ZRANB3: variants seen among roughly 807,000 people sequenced by gnomAD.
ZRANB3 encodes zinc finger RANBP2-type containing 3.
A neutral mutation model predicts 133.8 loss-of-function variants in ZRANB3; 125 were observed. The observed-to-expected ratio is 0.93, with a 90% CI of 0.81 to 1.08. The LOEUF (loss-of-function observed/expected upper bound fraction) is 1.08, where lower values mean the gene tolerates loss of function less well. Ranked by LOEUF, ZRANB3 falls within the 50% of genes least tolerant of loss-of-function variation. The pLI, the probability that ZRANB3 is intolerant of heterozygous loss-of-function variation, is 0.00. For synonymous variants in ZRANB3, 387 were observed against 432.7 expected (o/e 0.89, Z 1.31); for missense variants, 1,229 against 1,275.5 (o/e 0.96, Z 0.56).
intron 3 of ZRANB3, among the ~76,000 whole-genome samples, chr2:135,367,538 G>C (rs912631974): frequency 3.3e-5 from 5 of 151,914 alleles, no homozygotes; most frequent in Admixed American, 3.3e-4. Flanking sequence ...ACAAGAGAGA[G>C]AAAACCAAAA....
At chr2:135,512,576 A>C (rs906739641) in intron 1 of ZRANB3, among the ~76,000 whole-genome samples, 20 of 151,934 alleles carry the variant, frequency 1.3e-4, no homozygotes, top group African/African-American at 4.8e-4. Context: ...ATAAATTTAC[A>C]TGTTGCTTTT....
At chr2:135,509,475 C>A (rs1248904928) in intron 1 of ZRANB3, among the ~76,000 whole-genome samples, 1 of 152,052 alleles carries the variant, frequency 6.6e-6, no homozygotes, top group Non-Finnish European at 1.5e-5. Flanking sequence ...TAAAACAAAT[C>A]TAGATATTAA....
intron 8 of ZRANB3, among the ~76,000 whole-genome samples, chr2:135,295,819 T>C (rs1194267941): frequency 6.6e-6 from 1 of 152,232 alleles, no homozygotes; most frequent in Non-Finnish European, 1.5e-5. Context: ...AAGGATTTTA[T>C]TTCTCCTTCA....
intron 2 of ZRANB3, among the ~76,000 whole-genome samples, chr2:135,409,124 G>T (rs1291592039): frequency 6.6e-6 from 1 of 152,122 alleles, no homozygotes; most frequent in Admixed American, 6.6e-5. Flanking sequence ...AGTGGGAGGT[G>T]AAGGAGGAGC....
At chr2:135,331,082 A>T (rs560871218) in intron 6 of ZRANB3, among the ~76,000 whole-genome samples, 1 of 151,648 alleles carries the variant, frequency 6.6e-6, no homozygotes, top group Non-Finnish European at 1.5e-5. Context: ...TATTAGTTAA[A>T]CTATTTCCTG....
chr2:135,366,222 T>C (rs544601103), intron 3 of ZRANB3, among the ~76,000 whole-genome samples: 91 of 149,230 alleles, frequency 6.1e-4, no homozygotes, highest in African/African-American at 2.3e-3. Context: ...GGAGATTCCC[T>C]ACTCAGATTC....
At chr2:135,437,871 T>C (rs749099443) in intron 2 of ZRANB3, among the ~76,000 whole-genome samples, 2 of 152,142 alleles carry the variant, frequency 1.3e-5, no homozygotes, top group Non-Finnish European at 2.9e-5. Context: ...CAGAAAAGAT[T>C]ATCCCTCCAA....
intron 3 of ZRANB3, among the ~76,000 whole-genome samples, chr2:135,368,885 G>T (rs531902088): frequency 1.7e-4 from 26 of 151,978 alleles, no homozygotes; most frequent in Admixed American, 1.2e-3. Flanking sequence ...AAAAATAGCA[G>T]AAAATTTCAG....
chr2:135,273,515 AC>A (rs1680638616), intron 9 of ZRANB3, among the ~76,000 whole-genome samples: 1 of 151,572 alleles, frequency 6.6e-6, no homozygotes, highest in African/African-American at 2.4e-5. Flanking sequence ...GGAAAAATTC[AC>A]CTCCAACCCC....
At chr2:135,527,710 T>A (rs1694218462) in intron 1 of ZRANB3, among the ~76,000 whole-genome samples, 1 of 152,180 alleles carries the variant, frequency 6.6e-6, no homozygotes, top group Non-Finnish European at 1.5e-5. Context: ...CAAATGATAA[T>A]ACTGGTATCT....
At chr2:135,511,678 C>A (rs1693460804) in intron 1 of ZRANB3, 1 of 768,070 alleles carries the variant, frequency 1.3e-6, no homozygotes, top group Admixed American at 1.7e-5. Flanking sequence ...GACTACCACA[C>A]CATCATTTAG....
intron 2 of ZRANB3, among the ~76,000 whole-genome samples, chr2:135,423,285 T>G (rs1403741469): frequency 9.9e-5 from 15 of 152,080 alleles, no homozygotes; most frequent in Admixed American, 9.8e-4. Flanking sequence ...AATACAAAAA[T>G]TAGCCGGATG....
intron 2 of ZRANB3, among the ~76,000 whole-genome samples, chr2:135,439,438 T>G (rs1689685914): frequency 6.6e-6 from 1 of 152,146 alleles, no homozygotes; most frequent in Non-Finnish European, 1.5e-5. Context: ...CAGATTAACT[T>G]TGAAGCAAAA....
chr2:135,408,989 A>T (rs1688179442), intron 2 of ZRANB3, among the ~76,000 whole-genome samples: 1 of 152,106 alleles, frequency 6.6e-6, no homozygotes, highest in Non-Finnish European at 1.5e-5. Flanking sequence ...AAAGAAAAAG[A>T]AATGCCTGAG....
chr2:135,224,320 A>T, intron 15 of ZRANB3, 106 bp downstream of exon 15: 1 of 863,272 alleles, frequency 1.2e-6, no homozygotes, highest in Non-Finnish European at 1.7e-6. Context: ...TGAGGAAAAT[A>T]ACTAGATGCT....
chr2:135,485,424 T>C (rs531370910), intron 2 of ZRANB3, among the ~76,000 whole-genome samples: 142 of 152,302 alleles, frequency 9.3e-4, no homozygotes, highest in African/African-American at 3.0e-3. Flanking sequence ...TTTGCCCTGC[T>C]AGCCATCTTT....
intron 6 of ZRANB3, among the ~76,000 whole-genome samples, chr2:135,341,023 TATTG>T (rs58725213): frequency 0.13 from 18,661 of 149,270 alleles, 2,100 homozygotes; most frequent in South Asian, 0.32. Flanking sequence ...ACTGACTATT[TATTG>T]ATTGATTGAT....
rs1295517088 is a variant in ZRANB3, at chr2:135,208,893, A to C, written c.2581T>G (p.Ser861Ala). ...GGHVRLITKE[S>A]RPRDPFTKKL... ...TTTGTGAAAGGATCCCGTGGCCTGGACTCCTTTGTGATCAGACGGACATGG... is the reference window on the plus strand; with the variant it reads ...TTTGTGAAAGGATCCCGTGGCCTGGCCTCCTTTGTGATCAGACGGACATGG... The change falls in exon 18 of 21, where the codon TCC (serine) becomes GCC (alanine). Residue 861 changes from serine to alanine, a missense_variant. Ser to Ala is a moderately conservative substitution (Grantham distance 99). Transcript: ENST00000264159. 1 of 1,613,618 alleles carries C rather than the reference A, an allele frequency of 6.2e-7. No homozygotes were observed. Among genetic ancestry groups the C allele is most frequent in the Non-Finnish European group, 8.5e-7 (1 of 1,179,820 alleles).
intron 3 of ZRANB3, among the ~76,000 whole-genome samples, chr2:135,385,700 C>T (rs952720638): frequency 1.3e-5 from 2 of 152,192 alleles, no homozygotes; most frequent in Non-Finnish European, 2.9e-5. Context: ...CTGCAACCAT[C>T]TGGTCTTTGA....
Sources: allele counts gnomAD v4.1 joint callset (sites outside exome capture counted in the v4.1 genomes callset), GRCh38; gene constraint gnomAD v4.1.1; transcripts MANE v1.5; gene names NCBI Gene and HGNC (gene_info 2026-07-23, HGNC 2026-07-21).